TMEM94: variants seen among roughly 807,000 people sequenced by gnomAD.
TMEM94 encodes the protein transmembrane protein 94, also known as ER Mg2+ ATPase.
In TMEM94, 81 loss-of-function variants were observed where a neutral mutation model predicts 158.6. The observed-to-expected ratio is 0.51, with a 90% CI of 0.43 to 0.61. The LOEUF (loss-of-function observed/expected upper bound fraction) is 0.61. Ranked by LOEUF, TMEM94 falls within the 20% of genes least tolerant of loss-of-function variation. The probability of loss-of-function intolerance (pLI) is 0.00; values close to 1 mark genes in which losing one functional copy is unlikely to be tolerated. For missense variants in TMEM94, 1,435 were observed against 1,762.0 expected, an observed-to-expected ratio of 0.81 and a Z score of 3.32; for synonymous variants, 751 against 730.7, an observed-to-expected ratio of 1.03 and a Z score of -0.45.
At chr17:75,458,973 C>T (rs1407031595) in intron 1 of TMEM94, among the ~76,000 whole-genome samples, 1 of 150,584 alleles carries the variant, frequency 6.6e-6, no homozygotes, top group African/African-American at 2.5e-5. Flanking sequence ...AGGAGAATGG[C>T]GTGAACCCGG....
intron 25 of TMEM94, 85 bp from the exon 26 acceptor site, chr17:75,497,028 C>A: frequency 1.6e-6 from 2 of 1,243,292 alleles, no homozygotes; most frequent in Non-Finnish European, 2.4e-6. Context: ...TCTATCTGGG[C>A]CCAGGGCAAG....
intron 11 of TMEM94, 85 bp from the exon 12 acceptor site, chr17:75,490,964 T>G (rs1171676585): frequency 1.6e-5 from 19 of 1,160,604 alleles, no homozygotes; most frequent in Non-Finnish European, 2.2e-5. Flanking sequence ...TTCGTGGTGC[T>G]CCCCTGGATT....
chr17:75,466,273 A>C (rs984545089), intron 1 of TMEM94, among the ~76,000 whole-genome samples: 1 of 152,102 alleles, frequency 6.6e-6, no homozygotes, highest in South Asian at 2.1e-4. Flanking sequence ...GTAAGGGTCA[A>C]TATGTGTGAA....
intron 1 of TMEM94, among the ~76,000 whole-genome samples, chr17:75,461,998 TTTGTTTTGTTTTG>T (rs1276773726): frequency 8.0e-4 from 62 of 77,890 alleles, no homozygotes; most frequent in African/African-American, 2.4e-3. Flanking sequence ...TTTTTTTTGT[TTTGTTTTGTTTTG>T]TTTTTTTTTT....
In TMEM94 at chr17:75,496,279, C is replaced by G; in HGVS notation, c.3054-3C>G. 6.2e-7 allele frequency: 1 copy of G among 1,614,192 alleles called. No individual in the cohort carries two copies. The highest frequency in any genetic ancestry group is 8.5e-7 in the Non-Finnish European group (1 of 1,180,028). ...AAGTGTGTGTGTCCCCCACCCTGAG[C>G]AGCATTGCCCTGGATCCCCTGTACC... On this transcript the variant is annotated splice_region_variant and splice_polypyrimidine_tract_variant and intron_variant, in intron 23 of 31. Transcript: ENST00000314256.
chr17:75,474,444 C>G (rs1352875812), intron 2 of TMEM94, among the ~76,000 whole-genome samples: 2 of 152,186 alleles, frequency 1.3e-5, no homozygotes, highest in African/African-American at 4.8e-5. Context: ...AGTTCAAGAA[C>G]AGCCTGGCCA....
rs368098796 is a variant in TMEM94 at position 75,496,482 on chromosome 17, C to T, written c.3243+11C>T. Reference sequence around the variant, plus strand: ...CGGCTTATCGAACAGGTGGGTGCTTCGGCAGGCAAAGGAGGAGAGACGCAG... The same window carrying T: ...CGGCTTATCGAACAGGTGGGTGCTTTGGCAGGCAAAGGAGGAGAGACGCAG... On this transcript the variant is annotated intron_variant, in intron 24 of 31. Transcript: ENST00000314256. 9.9e-6 allele frequency: 16 copies of T among 1,608,712 alleles called. No homozygotes were observed. The highest frequency in any genetic ancestry group is 6.7e-5 in the African/African-American group (5 of 74,866).
At chr17:75,479,494 A>G (rs2050985177) in intron 2 of TMEM94, among the ~76,000 whole-genome samples, 1 of 149,454 alleles carries the variant, frequency 6.7e-6, no homozygotes, top group Non-Finnish European at 1.5e-5. Flanking sequence ...TAATTTTTGT[A>G]TTTTTAATAG....
rs760455300 is a variant in TMEM94, at chr17:75,491,720, C to T, written c.1416C>T (p.Gly472=). 1.4e-5 allele frequency: 23 copies of T among 1,613,976 alleles called. No homozygotes were observed. In the South Asian group the frequency reaches 2.5e-4, roughly 18 times the overall value. ...EPHERDALLA[G]SLNNTLHLSN... ...ATGAACGAGACGCCCTCCTGGCTGGCTCCCTGAACAACACCCTGCACCTTT... is the reference window on the plus strand; with the variant it reads ...ATGAACGAGACGCCCTCCTGGCTGGTTCCCTGAACAACACCCTGCACCTTT... Residue 472 remains glycine, a synonymous_variant, in exon 14 of 32, where the codon GGC becomes GGT. Coordinates refer to ENST00000314256, the MANE Select transcript of TMEM94 (RefSeq NM_014738.6). This position sits in a 1 kb window ranked among gnomAD's most constrained non-coding sequence, Gnocchi z 5.1.
intron 23 of TMEM94, 85 bp from the exon 24 acceptor site, chr17:75,496,197 A>T: frequency 6.3e-7 from 1 of 1,580,988 alleles, no homozygotes; most frequent in Non-Finnish European, 8.7e-7. Context: ...GGACCAATGC[A>T]CCTGGGCATG....
Position 75,492,558 on chromosome 17 carries a change from G to A in TMEM94, c.1681G>A (p.Asp561Asn). Residue 561 changes from aspartate to asparagine, a missense_variant, in exon 15 of 32, where the codon GAC becomes AAC. Around this residue, in one of 3 missense-constraint regions of TMEM94, gnomAD observed 1,051 missense variants for 1,254.4 expected, o/e 0.84. Coordinates refer to ENST00000314256, the MANE Select transcript of TMEM94 (RefSeq NM_014738.6). This position sits in a 1 kb window ranked among gnomAD's most constrained non-coding sequence, Gnocchi z 4.4. ...YHLEMLSLSQDQQNPSCIQFD... is the reference protein window; with the variant it reads ...YHLEMLSLSQNQQNPSCIQFD... ...CCTGGAGATGCTGAGCCTGTCCCAG[G>A]ACCAGCAGAACCCCTCCTGCATCCA... 2 of 1,614,042 alleles carry A rather than the reference G, an allele frequency of 1.2e-6. No individual in the cohort carries two copies. Among genetic ancestry groups the A allele is most frequent in the Non-Finnish European group, 1.7e-6 (2 of 1,180,004 alleles).
In TMEM94 at chr17:75,476,598, C is replaced by T. The variant is rs188405373; in HGVS notation, c.24+4669C>T. 1,026 of 1,512,918 alleles carry T rather than the reference C, an allele frequency of 6.8e-4. 9 individuals are homozygous for T. The African/African-American group carries it at 0.013, about 20-fold the overall frequency. The allele number at this position is 1,512,918 out of a possible 1,614,324, so 93.7% of individuals were successfully genotyped here. On this transcript the variant is annotated intron_variant, in intron 2 of 31. Coordinates refer to ENST00000314256, the MANE Select transcript of TMEM94 (RefSeq NM_014738.6). ...CTCAGCTGTCTCCGTCTCTTCTCTCCTCTTCTCTCTCTCTCTCTTTTCACC... is the reference window on the plus strand; with the variant it reads ...CTCAGCTGTCTCCGTCTCTTCTCTCTTCTTCTCTCTCTCTCTCTTTTCACC...
At chr17:75,493,271 T>C in intron 16 of TMEM94, 169 bp downstream of exon 16, 1 of 883,676 alleles carries the variant, frequency 1.1e-6, no homozygotes. Context: ...GCTGGGATGG[T>C]GTTGGCTGCA....
intron 18 of TMEM94, 126 bp downstream of exon 18, chr17:75,494,042 C>T: frequency 1.1e-6 from 1 of 890,948 alleles, no homozygotes. Flanking sequence ...TGGCCACAGC[C>T]CCAGGCTGGG....
chr17:75,483,153 C>T (rs867715383), intron 2 of TMEM94, among the ~76,000 whole-genome samples: 1 of 152,088 alleles, frequency 6.6e-6, no homozygotes, highest in Admixed American at 6.5e-5. Context: ...TGAAGGGGCT[C>T]GGCTCGTGTC....
Position 75,491,432 on chromosome 17 carries a change from A to G in TMEM94, c.1363A>G (p.Thr455Ala). 1 of 1,613,740 alleles carries G rather than the reference A, an allele frequency of 6.2e-7. No homozygotes were observed. Among genetic ancestry groups the G allele is most frequent in the Non-Finnish European group, 8.5e-7 (1 of 1,179,966 alleles). ...SHEDLTDGLSTRSFCHPEPHE... is the reference protein window; with the variant it reads ...SHEDLTDGLSARSFCHPEPHE... ...TGAGGACCTCACCGATGGCCTATCC[A>G]CCCGCTCCTTCTGCCATCCCGAGGT... Residue 455 changes from threonine to alanine, a missense_variant, in exon 13 of 32, where the codon ACC (threonine) becomes GCC (alanine). By Grantham distance (58) the Thr-to-Ala change is moderately conservative. Around this residue, in one of 3 missense-constraint regions of TMEM94, gnomAD observed 1,051 missense variants for 1,254.4 expected, o/e 0.84. Transcript: ENST00000314256. The surrounding 1 kb of genome is among the most constrained non-coding windows in gnomAD (Gnocchi z 5.1).
rs758367490 is a variant in TMEM94 at position 75,492,884 on chromosome 17, G to T, written c.1913-45G>T. ...CACGGGACTTAATGGACCTGGCAGG[G>T]TATTGCCAGGGCATGGCCCTAAGTT... On this transcript the variant is annotated intron_variant, in intron 15 of 31. Transcript: ENST00000314256. The surrounding 1 kb of genome is among the most constrained non-coding windows in gnomAD (Gnocchi z 4.4). 5.0e-6 allele frequency: 8 copies of T among 1,592,118 alleles called. No individual in the cohort carries two copies. Among genetic ancestry groups the T allele is most frequent in the Non-Finnish European group, 6.9e-6 (8 of 1,167,158 alleles).
intron 2 of TMEM94, among the ~76,000 whole-genome samples, chr17:75,482,355 A>C (rs1478994225): frequency 6.6e-6 from 1 of 151,906 alleles, no homozygotes. Flanking sequence ...CAAAAAAGAA[A>C]AAAAAAAAAG....
In TMEM94 at chr17:75,491,132, G is replaced by A; in HGVS notation, c.1212G>A (p.Leu404=). The A allele has an allele frequency of 6.2e-7, 1 of 1,612,382 alleles. No individual in the cohort carries two copies. Among genetic ancestry groups the A allele is most frequent in the Non-Finnish European group, 8.5e-7 (1 of 1,179,044 alleles). Residue 404 remains leucine, a synonymous_variant, in exon 12 of 32, where the codon CTG becomes CTA. Coordinates refer to ENST00000314256, the MANE Select transcript of TMEM94 (RefSeq NM_014738.6). This position sits in a 1 kb window ranked among gnomAD's most constrained non-coding sequence, Gnocchi z 5.1. ...SPTLSHSSSL[L]HSLGSVTVLC... ...CGCTGAGCCACAGTTCCAGCCTGCTGCACAGCCTGGGCTCTGTCACGGTGA... is the reference window on the plus strand; with the variant it reads ...CGCTGAGCCACAGTTCCAGCCTGCTACACAGCCTGGGCTCTGTCACGGTGA...
Sources: gnomAD v4.1 joint callset for allele counts (sites outside exome capture counted in the v4.1 genomes callset) on GRCh38, gnomAD v4.1.1 for gene constraint, gnomAD v4.1.1 regional missense constraint, Gnocchi (gnomAD v3.1) non-coding constraint, MANE v1.5 for transcripts, NCBI Gene and HGNC (gene_info 2026-07-23, HGNC 2026-07-21) for gene names.